The following PTPRS variants were observed in gnomAD, a reference collection of about 807,000 sequenced individuals.
The protein encoded by PTPRS is receptor-type tyrosine-protein phosphatase S.
PTPRS carries 63 observed loss-of-function variants against 215.3 expected under a neutral mutation model. That is an observed-to-expected ratio of 0.29 (90% CI 0.24 to 0.36). The LOEUF (loss-of-function observed/expected upper bound fraction) is 0.36, where lower values mean the gene tolerates loss of function less well. PTPRS is among the 10% of genes least tolerant of loss of function. The probability of loss-of-function intolerance (pLI) is 1.00; values close to 1 mark genes in which losing one functional copy is unlikely to be tolerated. For missense variants in PTPRS, 2,258 were observed against 2,825.8 expected, an observed-to-expected ratio of 0.80 and a Z score of 4.56; for synonymous variants, 1,404 against 1,191.4, an observed-to-expected ratio of 1.18 and a Z score of -3.68.
chr19:5,211,371 C>T (rs1266374099), intron 33 of PTPRS, among the ~76,000 whole-genome samples: 1 of 152,196 alleles, frequency 6.6e-6, no homozygotes, highest in Non-Finnish European at 1.5e-5. Flanking sequence ...ACTGATAGAA[C>T]AGATGGAATC....
In PTPRS at chr19:5,210,793, G is replaced by C; in HGVS notation, c.5247C>G (p.Ala1749=). ...SFIDGYRQQK[A]YIATQGPLAE... Reference sequence around the variant, plus strand: ...CCAGCGGCCCCTGTGTCGCGATGTAGGCCTTCTGCTGCCTGCAGGCGTTGG... The same window carrying C: ...CCAGCGGCCCCTGTGTCGCGATGTACGCCTTCTGCTGCCTGCAGGCGTTGG... The change falls in exon 34 of 38, where the codon GCC becomes GCG. Residue 1749 remains alanine (A), a synonymous_variant. Coordinates refer to ENST00000262963, the MANE Select transcript of PTPRS (RefSeq NM_002850.4). This position sits in a 1 kb window ranked among gnomAD's most constrained non-coding sequence, Gnocchi z 4.5. The C allele has an allele frequency of 6.2e-7, 1 of 1,613,882 alleles. No homozygotes were observed. Among genetic ancestry groups the C allele is most frequent in the Non-Finnish European group, 8.5e-7 (1 of 1,180,028 alleles).
At chr19:5,309,631 T>G (rs2147144312) in intron 1 of PTPRS, among the ~76,000 whole-genome samples, 1 of 152,240 alleles carries the variant, frequency 6.6e-6, no homozygotes, top group South Asian at 2.1e-4. Flanking sequence ...TCTCTCACCA[T>G]CTTCGCCACC....
At position 5,205,543 on chromosome 19, in the gene PTPRS, C is replaced by G. The variant is rs1293424669; in HGVS notation, c.*1231G>C. On this transcript the variant is annotated 3_prime_UTR_variant, in exon 38 of 38. Transcript: ENST00000262963. ...TTCCTTTAATACAAAGTCGATATAT[C>G]TACATACACGGGGGTGGGAAAACCA... 1.3e-5 allele frequency among the ~76,000 whole-genome samples: 2 copies of G among 152,208 alleles called. No individual in the cohort carries two copies. The highest frequency in any genetic ancestry group is 2.4e-5 in the African/African-American group (1 of 41,442).
intron 4 of PTPRS, among the ~76,000 whole-genome samples, chr19:5,266,399 A>G (rs1264484868): frequency 6.6e-6 from 1 of 151,944 alleles, no homozygotes; most frequent in Non-Finnish European, 1.5e-5. Context: ...GATTACAGGT[A>G]TTTTACAGGT....
chr19:5,231,442 G>T lies in PTPRS; in HGVS notation c.2023C>A (p.Pro675Thr), dbSNP rs1238574782. 3.7e-6 allele frequency: 6 copies of T among 1,613,002 alleles called. No individual in the cohort carries two copies. Residue 675 changes from proline to threonine, a missense_variant, in exon 14 of 38, where the codon CCC becomes ACC. Coordinates refer to ENST00000262963, the MANE Select transcript of PTPRS (RefSeq NM_002850.4). The stretch of plus-strand genomic sequence containing the variant: ...AGCAGGATCTGAGTGGTGGTCGGGG[G>T]GATGCCGTTCACCTCCTTGGGTTCC... ...DPEPKEVNGI[P>T]PTTTQILLEA...
intron 30 of PTPRS, among the ~76,000 whole-genome samples, chr19:5,212,746 G>T (rs945267957): frequency 6.6e-6 from 1 of 152,154 alleles, no homozygotes; most frequent in African/African-American, 2.4e-5. Context: ...GGGAGGCTGA[G>T]GCAGGAGAAT....
chr19:5,340,214 TCCAGGACCCGC>T (rs1474847110), intron 1 of PTPRS, among the ~76,000 whole-genome samples: 1 of 146,442 alleles, frequency 6.8e-6, no homozygotes, highest in African/African-American at 2.5e-5. Context: ...GCCCCCTGCC[TCCAGGACCCGC>T]CCGGGGACCC....
chr19:5,275,177 T>G (rs1447965882), intron 2 of PTPRS, among the ~76,000 whole-genome samples: 3 of 151,432 alleles, frequency 2.0e-5, no homozygotes, highest in African/African-American at 7.3e-5. Flanking sequence ...TTCAAGCGAT[T>G]CTCCTGCCTC....
intron 4 of PTPRS, 56 bp downstream of exon 4, chr19:5,273,386 T>G (rs1253211682): frequency 6.2e-7 from 1 of 1,612,026 alleles, no homozygotes; most frequent in Non-Finnish European, 8.5e-7. Context: ...CTTTTGTGCT[T>G]GTCCCCAAAG....
intron 17 of PTPRS, among the ~76,000 whole-genome samples, chr19:5,225,224 A>G (rs2042374762): frequency 6.6e-6 from 1 of 152,078 alleles, no homozygotes; most frequent in Admixed American, 6.5e-5. Flanking sequence ...CAGTAGGGGA[A>G]GACAGGTGCA....
At chr19:5,264,842 C>T (rs971614983) in intron 5 of PTPRS, among the ~76,000 whole-genome samples, 166 bp downstream of exon 5, 1 of 152,148 alleles carries the variant, frequency 6.6e-6, no homozygotes, top group African/African-American at 2.4e-5. Context: ...CCTCAGTGTG[C>T]GGCTTTGAAG....
At chr19:5,221,311 C>A in intron 19 of PTPRS, 58 bp from the exon 20 acceptor site, 1 of 1,557,192 alleles carries the variant, frequency 6.4e-7, no homozygotes, top group Non-Finnish European at 8.7e-7. Flanking sequence ...GGACTGAGCC[C>A]CAGCTCCAGG....
At chr19:5,288,760 T>C (rs772198123) in intron 1 of PTPRS, among the ~76,000 whole-genome samples, 3 of 152,110 alleles carry the variant, frequency 2.0e-5, no homozygotes, top group African/African-American at 7.2e-5. Context: ...GGGGCACATA[T>C]ATGGAGGGCC....
rs1473562597 is a variant in PTPRS at position 5,208,234 on chromosome 19, C to T, written c.5642+3G>A. ...AAAAGCTGGGACACTCGAGGGAGCTCACCTGCAGTGGACAGAGATGGGGCC... is the reference window on the plus strand; with the variant it reads ...AAAAGCTGGGACACTCGAGGGAGCTTACCTGCAGTGGACAGAGATGGGGCC... On this transcript the variant is annotated splice_donor_region_variant and intron_variant, in intron 36 of 37. Transcript: ENST00000262963. The T allele has an allele frequency of 6.3e-7, 1 of 1,592,270 alleles. No homozygotes were observed. Among genetic ancestry groups the T allele is most frequent in the African/African-American group, 1.3e-5 (1 of 74,526 alleles).
intron 14 of PTPRS, among the ~76,000 whole-genome samples, chr19:5,230,850 C>G (rs1227275805): frequency 1.3e-5 from 2 of 152,194 alleles, no homozygotes; most frequent in African/African-American, 4.8e-5. Flanking sequence ...GGACCACTGC[C>G]TTGCTTTCCA....
chr19:5,210,887 G>A lies in PTPRS; in HGVS notation c.5235-82C>T. On this transcript the variant is annotated intron_variant, in intron 33 of 37. Transcript: ENST00000262963. This position sits in a 1 kb window ranked among gnomAD's most constrained non-coding sequence, Gnocchi z 4.5. ...ACCTGATGCTGCCCGGGAGGGTCAGGACCAAGCCAGTGACAGCTACACCTA... is the reference window on the plus strand; with the variant it reads ...ACCTGATGCTGCCCGGGAGGGTCAGAACCAAGCCAGTGACAGCTACACCTA... 1 of 1,526,070 alleles carries A rather than the reference G, an allele frequency of 6.6e-7. No individual in the cohort carries two copies. The highest frequency in any genetic ancestry group is 8.8e-7 in the Non-Finnish European group (1 of 1,139,514). 94.5% of individuals were successfully genotyped at this position (1,526,070 alleles called of 1,614,324 possible).
chr19:5,325,078 G>A lies in PTPRS; in HGVS notation c.-95+15586C>T, dbSNP rs573413346. On this transcript the variant is annotated intron_variant, in intron 1 of 37. Coordinates refer to ENST00000262963, the MANE Select transcript of PTPRS (RefSeq NM_002850.4). ...CATTCAGGGTTATTTTCCCCTCCCC[G>A]ACAATCACTGGGGCCCAGGCCCCTT... 3.3e-5 allele frequency among the ~76,000 whole-genome samples: 5 copies of A among 152,268 alleles called. No individual in the cohort carries two copies. In the South Asian group the frequency reaches 1.0e-3, roughly 32 times the overall value.
At position 5,235,784 on chromosome 19, in the gene PTPRS, C is replaced by T. The variant is rs561242973; in HGVS notation, c.1849+3135G>A. ...AATGGGGCACCTACTGTGTGCCAGG[C>T]AGTATGTTAAGGTCTTTGCTGAATA... is the stretch of plus-strand genomic sequence containing the variant. On this transcript the variant is annotated intron_variant, in intron 13 of 37. Transcript: ENST00000262963. Among the ~76,000 whole-genome samples the T allele has an allele frequency of 6.6e-5, 10 of 152,290 alleles. No individual in the cohort carries two copies. The East Asian group carries it at 1.9e-3, about 29-fold the overall frequency.
intron 1 of PTPRS, among the ~76,000 whole-genome samples, chr19:5,302,436 A>G (rs940455507): frequency 6.6e-6 from 1 of 152,192 alleles, no homozygotes; most frequent in Non-Finnish European, 1.5e-5. Flanking sequence ...CTAATTCAAC[A>G]GTATCGCATA....
Sources: gnomAD v4.1 joint callset for allele counts (sites outside exome capture counted in the v4.1 genomes callset) on GRCh38, gnomAD v4.1.1 for gene constraint, Gnocchi (gnomAD v3.1) non-coding constraint, MANE v1.5 for transcripts, NCBI Gene and HGNC (gene_info 2026-07-23, HGNC 2026-07-21) for gene names.